DOCK3: variants seen among roughly 807,000 people sequenced by gnomAD.
The protein encoded by DOCK3 is dedicator of cytokinesis protein 3.
DOCK3 carries 60 observed loss-of-function variants against 265.6 expected under a neutral mutation model. The ratio of observed to expected loss-of-function variants is 0.23; its 90% CI spans 0.18 to 0.28. DOCK3 has a LOEUF of 0.28. DOCK3 is among the 10% of genes least tolerant of loss of function. The pLI, the probability that DOCK3 is intolerant of heterozygous loss-of-function variation, is 1.00. For missense variants in DOCK3, 1,981 were observed against 2,594.3 expected (o/e 0.76, Z 5.14); for synonymous variants, 881 against 938.0 (o/e 0.94, Z 1.11).
At chr3:50,903,643 C>G (rs929772223) in intron 4 of DOCK3, among the ~76,000 whole-genome samples, 1 of 152,118 alleles carries the variant, frequency 6.6e-6, no homozygotes, top group African/African-American at 2.4e-5. Flanking sequence ...TGTTGTATCT[C>G]TGCCAGATTT....
intron 1 of DOCK3, among the ~76,000 whole-genome samples, chr3:50,776,855 C>T (rs2041630494): frequency 6.6e-6 from 1 of 152,008 alleles, no homozygotes; most frequent in African/African-American, 2.4e-5. Context: ...TTTTATGCTG[C>T]TGATAAAGAC....
intron 2 of DOCK3, among the ~76,000 whole-genome samples, chr3:50,781,076 A>G (rs760201135): frequency 1.9e-4 from 29 of 152,028 alleles, no homozygotes; most frequent in Non-Finnish European, 4.1e-4. Flanking sequence ...GGTTGATTCC[A>G]TATCTTGGCT....
At chr3:51,118,525 G>A (rs965638483) in intron 9 of DOCK3, among the ~76,000 whole-genome samples, 1 of 152,152 alleles carries the variant, frequency 6.6e-6, no homozygotes. Context: ...TTAATTTTCT[G>A]TCTCGTTGAT....
rs1185586288 is a variant in DOCK3, at chr3:50,970,940, TATATATA to T, written c.315+36866_315+36872del. 1.8e-3 allele frequency among the ~76,000 whole-genome samples: 136 copies of T among 75,094 alleles called. 1 individual carries two copies. Among genetic ancestry groups the T allele is most frequent in the African/African-American group, 3.9e-3 (66 of 16,962 alleles). 49.3% of individuals were successfully genotyped at this position (75,094 alleles called of 152,430 possible). ...ATATATATATATATATATATATATA[TATATATA>T]ATGTGTGTGTGTGTGTGTGTATATA... On this transcript the variant is annotated intron_variant, in intron 5 of 52. Coordinates refer to ENST00000266037, the MANE Select transcript of DOCK3 (RefSeq NM_004947.5).
chr3:50,913,676 C>G (rs573124459), intron 4 of DOCK3, among the ~76,000 whole-genome samples: 1 of 152,060 alleles, frequency 6.6e-6, no homozygotes, highest in Non-Finnish European at 1.5e-5. Flanking sequence ...ATGATCCCTT[C>G]GTTGGTGGGC....
At chr3:51,172,870 G>A (rs2086753465) in intron 12 of DOCK3, among the ~76,000 whole-genome samples, 1 of 151,880 alleles carries the variant, frequency 6.6e-6, no homozygotes, top group Non-Finnish European at 1.5e-5. Context: ...ATAATTTTTT[G>A]TTATGACAAT....
intron 6 of DOCK3, among the ~76,000 whole-genome samples, chr3:51,071,844 A>G (rs2109343187): frequency 1.3e-5 from 2 of 152,284 alleles, no homozygotes; most frequent in African/African-American, 4.8e-5. Flanking sequence ...TTGAGAGTGA[A>G]GTTTGTAGTG....
intron 7 of DOCK3, among the ~76,000 whole-genome samples, chr3:51,076,868 TC>T (rs1191583160): frequency 6.6e-6 from 1 of 152,148 alleles, no homozygotes; most frequent in African/African-American, 2.4e-5. Flanking sequence ...ATAAGACATT[TC>T]ATAACTTCGG....
At chr3:51,016,567 A>ATATGATATATATAT (rs1300857267) in intron 5 of DOCK3, among the ~76,000 whole-genome samples, 6 of 89,208 alleles carry the variant, frequency 6.7e-5, no homozygotes, top group Admixed American at 3.6e-4. Context: ...CATATATTAT[A>ATATGATATATATAT]TATATATTTA....
chr3:50,788,000 T>A, intron 2 of DOCK3: 1 of 788,770 alleles, frequency 1.3e-6, no homozygotes, highest in Non-Finnish European at 2.1e-6. Flanking sequence ...ATTCTCCTGG[T>A]CTTCCTTAAT....
intron 4 of DOCK3, among the ~76,000 whole-genome samples, chr3:50,907,051 T>C (rs1474394959): frequency 6.6e-6 from 1 of 152,098 alleles, no homozygotes; most frequent in Non-Finnish European, 1.5e-5. Context: ...TCAGTTTCCA[T>C]GTAGTTGAGT....
In DOCK3 at chr3:50,706,010, G is replaced by A. The variant is rs190103349; in HGVS notation, c.37+30710G>A. 2.4e-3 allele frequency among the ~76,000 whole-genome samples: 362 copies of A among 151,684 alleles called. 11 individuals are homozygous for A. The East Asian group carries it at 0.06, about 25-fold the overall frequency. ...CGTACCACTGCACTCCAACCTGAGCGACAGAGTGAGACTCTGTCTCAAAAA... is the reference window on the plus strand; with the variant it reads ...CGTACCACTGCACTCCAACCTGAGCAACAGAGTGAGACTCTGTCTCAAAAA... On this transcript the variant is annotated intron_variant, in intron 1 of 52. Transcript: ENST00000266037.
chr3:50,893,971 C>G (rs376072274), intron 4 of DOCK3, among the ~76,000 whole-genome samples: 13 of 107,030 alleles, frequency 1.2e-4, no homozygotes, highest in African/African-American at 3.9e-4. Flanking sequence ...CGGGGCCTGT[C>G]GTTAGGTGAG....
chr3:51,380,963 C>T (rs2088583229), intron 52 of DOCK3, 87 bp from the exon 53 acceptor site: 11 of 1,470,118 alleles, frequency 7.5e-6, no homozygotes, highest in Non-Finnish European at 1.0e-5. Context: ...AAAGTTCATT[C>T]ATAAGCAGGC....
chr3:51,382,877 C>T lies in DOCK3; in HGVS notation c.*1318C>T, dbSNP rs1301290111. The T allele has an allele frequency of 6.6e-6, 1 of 152,368 alleles. No individual in the cohort carries two copies. Among genetic ancestry groups the T allele is most frequent in the African/African-American group, 2.4e-5 (1 of 41,418 alleles). 9.4% of individuals were successfully genotyped at this position (152,368 alleles called of 1,614,324 possible). A position where few individuals can be genotyped will look rare whatever the true frequency, so the allele number is the denominator to read the frequency against. On this transcript the variant is annotated 3_prime_UTR_variant, in exon 53 of 53. Transcript: ENST00000266037. The stretch of plus-strand genomic sequence containing the variant: ...CAAGTCAGGGCACTGATTTTCCTCT[C>T]AGTTTATTATTTGGGGGGATAGGGT...
intron 9 of DOCK3, among the ~76,000 whole-genome samples, chr3:51,115,974 G>A (rs1174419827): frequency 6.6e-6 from 1 of 152,046 alleles, no homozygotes; most frequent in Non-Finnish European, 1.5e-5. Flanking sequence ...TGTTATTTCT[G>A]AGGCCTCTCT....
chr3:51,246,398 A>G (rs1215744938), intron 21 of DOCK3, among the ~76,000 whole-genome samples: 1 of 152,048 alleles, frequency 6.6e-6, no homozygotes, highest in Non-Finnish European at 1.5e-5. Context: ...ATGCCTGGCT[A>G]ATTTTTCTAT....
At chr3:50,780,052 G>A (rs1055588165) in intron 2 of DOCK3, among the ~76,000 whole-genome samples, 1 of 152,126 alleles carries the variant, frequency 6.6e-6, no homozygotes, top group Non-Finnish European at 1.5e-5. Flanking sequence ...AACCTACCAT[G>A]ATCCAGGAAT....
chr3:51,311,720 C>T (rs2083075794), intron 28 of DOCK3, among the ~76,000 whole-genome samples: 1 of 152,262 alleles, frequency 6.6e-6, no homozygotes, highest in African/African-American at 2.4e-5. Flanking sequence ...GAAAATGAGA[C>T]CCAGAGAGAA....
Sources: gnomAD v4.1 joint callset for allele counts (sites outside exome capture counted in the v4.1 genomes callset) on GRCh38, gnomAD v4.1.1 for gene constraint, MANE v1.5 for transcripts, NCBI Gene and HGNC (gene_info 2026-07-23, HGNC 2026-07-21) for gene names.